MAP4K3: variants seen among roughly 807,000 people sequenced by gnomAD.
MAP4K3 encodes the protein MAPK/ERK kinase kinase kinase 3.
A neutral mutation model predicts 143.5 loss-of-function variants in MAP4K3; 94 were observed. The observed-to-expected ratio is 0.65, with a 90% CI of 0.55 to 0.78. The LOEUF is 0.78. Among genes scored for constraint, MAP4K3 ranks in the 30% least tolerant of loss-of-function variants. The probability of loss-of-function intolerance (pLI) is 0.00; values close to 1 mark genes in which losing one functional copy is unlikely to be tolerated. For missense variants in MAP4K3, 1,077 were observed against 1,068.1 expected, an observed-to-expected ratio of 1.01 and a Z score of -0.12; for synonymous variants, 416 against 347.2, an observed-to-expected ratio of 1.20 and a Z score of -2.20.
At chr2:39,402,882 T>C (rs1020986149) in intron 1 of MAP4K3, among the ~76,000 whole-genome samples, 1 of 151,918 alleles carries the variant, frequency 6.6e-6, no homozygotes, top group Admixed American at 6.6e-5. Context: ...TCACTACAGA[T>C]TGTACACATA....
intron 8 of MAP4K3, among the ~76,000 whole-genome samples, chr2:39,330,307 T>C (rs72925278): frequency 0.069 from 10,502 of 152,196 alleles, 1,232 homozygotes; most frequent in African/African-American, 0.24. Flanking sequence ...TATCACACCA[T>C]GGGCACCACA....
chr2:39,354,249 C>T (rs960101970), intron 3 of MAP4K3, among the ~76,000 whole-genome samples: 17 of 152,062 alleles, frequency 1.1e-4, no homozygotes, highest in Non-Finnish European at 2.5e-4. Context: ...CGAGATCATC[C>T]TGGCTAACAC....
chr2:39,281,446 T>C (rs1412521918), intron 22 of MAP4K3, among the ~76,000 whole-genome samples: 1 of 152,166 alleles, frequency 6.6e-6, no homozygotes, highest in Non-Finnish European at 1.5e-5. Context: ...TAGAAACATG[T>C]CTTTAGGATG....
chr2:39,401,440 T>G (rs1013324830), intron 1 of MAP4K3, among the ~76,000 whole-genome samples: 6 of 152,166 alleles, frequency 3.9e-5, no homozygotes, highest in Admixed American at 6.5e-5. Flanking sequence ...GAATACTGTC[T>G]TAGTATTGGG....
rs934081155 is a variant in MAP4K3, at chr2:39,377,977, G to C, written c.154+89C>G. The C allele has an allele frequency of 4.4e-5, 36 of 809,252 alleles. 1 individual carries two copies. The highest frequency in any genetic ancestry group is 3.7e-4 in the South Asian group (24 of 64,686). The allele number at this position is 809,252 out of a possible 1,614,324, so 50.1% of individuals were successfully genotyped here. On this transcript the variant is annotated intron_variant, in intron 2 of 33. Coordinates refer to ENST00000263881, the MANE Select transcript of MAP4K3 (RefSeq NM_003618.4). ...TTATCCCAGATGTTGGGGAAAACAA[G>C]AGAATGTTAACCAAACATCATTAAA...
At chr2:39,289,129 C>T (rs1475100533) in intron 19 of MAP4K3, among the ~76,000 whole-genome samples, 1 of 152,168 alleles carries the variant, frequency 6.6e-6, no homozygotes, top group Non-Finnish European at 1.5e-5. Context: ...ATGCCTGAGA[C>T]ACTTTCTGTA....
chr2:39,431,059 A>G (rs1027005281), intron 1 of MAP4K3, among the ~76,000 whole-genome samples: 1 of 152,232 alleles, frequency 6.6e-6, no homozygotes, highest in Non-Finnish European at 1.5e-5. Context: ...ACAAAGCAAA[A>G]TCACCAGTTT....
intron 9 of MAP4K3, 33 bp downstream of exon 9, chr2:39,326,113 A>T (rs79984459): frequency 0.044 from 70,959 of 1,596,990 alleles, 1,929 homozygotes; most frequent in Non-Finnish European, 0.049. Flanking sequence ...TAAAAACCTT[A>T]AGCGTAAGAT....
At chr2:39,299,535 T>G (rs187529787) in intron 16 of MAP4K3, among the ~76,000 whole-genome samples, 4 of 152,236 alleles carry the variant, frequency 2.6e-5, no homozygotes, top group African/African-American at 9.6e-5. Context: ...CAATGTAGCT[T>G]GATATAAAAA....
intron 13 of MAP4K3, among the ~76,000 whole-genome samples, chr2:39,311,308 A>C (rs1023914280): frequency 6.6e-6 from 1 of 151,990 alleles, no homozygotes; most frequent in Non-Finnish European, 1.5e-5. Context: ...GGAACTCCTG[A>C]CCTCAGGTGA....
At chr2:39,336,794 T>C (rs1664981420) in intron 6 of MAP4K3, 126 bp downstream of exon 6, 1 of 429,172 alleles carries the variant, frequency 2.3e-6, no homozygotes, top group African/African-American at 2.1e-5. Context: ...ATTAAAAGTA[T>C]CACTCATTTT....
intron 19 of MAP4K3, 42 bp from the exon 20 acceptor site, chr2:39,288,322 A>T (rs1187453017): frequency 2.5e-6 from 4 of 1,571,216 alleles, no homozygotes; most frequent in Non-Finnish European, 3.5e-6. Flanking sequence ...GAAACATCAA[A>T]TTATTTTCCT....
At position 39,386,820 on chromosome 2, in the gene MAP4K3, C is replaced by CTTTTTTTTTTTT. The variant is rs56011585; in HGVS notation, c.97-8709_97-8698dup. On this transcript the variant is annotated intron_variant, in intron 1 of 33. Transcript: ENST00000263881. ...GATTAGTGTAATTTTTTTTGTTGTT[C>CTTTTTTTTTTTT]TTTTTTTTTTTTTGAGACGGAGTCT... Among the ~76,000 whole-genome samples the CTTTTTTTTTTTT allele has an allele frequency of 4.3e-3, 600 of 139,036 alleles. 17 individuals carry two copies. Among genetic ancestry groups the CTTTTTTTTTTTT allele is most frequent in the African/African-American group, 0.016 (573 of 36,242 alleles). The allele number at this position is 139,036 out of a possible 152,430, so 91.2% of individuals were successfully genotyped here.
At chr2:39,381,162 A>T (rs1363416355) in intron 1 of MAP4K3, among the ~76,000 whole-genome samples, 1 of 152,214 alleles carries the variant, frequency 6.6e-6, no homozygotes, top group African/African-American at 2.4e-5. Context: ...ACTGCCAAAT[A>T]GTATTCCATT....
chr2:39,310,190 G>C (rs548675696), intron 13 of MAP4K3, among the ~76,000 whole-genome samples: 1 of 152,218 alleles, frequency 6.6e-6, no homozygotes, highest in Non-Finnish European at 1.5e-5. Context: ...CTGAACACTA[G>C]AATGTATTCC....
intron 32 of MAP4K3, among the ~76,000 whole-genome samples, chr2:39,252,565 G>A (rs1680192436): frequency 6.6e-6 from 1 of 152,178 alleles, no homozygotes; most frequent in Non-Finnish European, 1.5e-5. Flanking sequence ...TCCTCAGTGT[G>A]ACCAACTACC....
At chr2:39,350,004 C>T (rs1025470964) in intron 3 of MAP4K3, among the ~76,000 whole-genome samples, 2 of 152,122 alleles carry the variant, frequency 1.3e-5, no homozygotes, top group Non-Finnish European at 2.9e-5. Flanking sequence ...CCCCAAGGAA[C>T]ATTTGGCAAA....
intron 1 of MAP4K3, among the ~76,000 whole-genome samples, chr2:39,388,120 T>C (rs186121436): frequency 2.8e-4 from 43 of 152,262 alleles, no homozygotes; most frequent in Non-Finnish European, 5.4e-4. Flanking sequence ...ACCACACTAA[T>C]AATATGGATA....
At chr2:39,302,008 G>A (rs984346347) in intron 15 of MAP4K3, among the ~76,000 whole-genome samples, 3 of 151,564 alleles carry the variant, frequency 2.0e-5, no homozygotes, top group African/African-American at 7.3e-5. Flanking sequence ...TGGCGACAGA[G>A]AGAGACTCTG....
Sources: gnomAD v4.1 joint callset for allele counts (sites outside exome capture counted in the v4.1 genomes callset) on GRCh38, gnomAD v4.1.1 for gene constraint, MANE v1.5 for transcripts, NCBI Gene and HGNC (gene_info 2026-07-23, HGNC 2026-07-21) for gene names.